TCF4: variants seen among roughly 807,000 people sequenced by gnomAD.
TCF4 encodes transcription factor 4, also known as SL3-3 enhancer factor 2.
TCF4 carries 3 observed loss-of-function variants against 82.1 expected under a neutral mutation model. That is an observed-to-expected ratio of 0.04 (90% CI 0.02 to 0.09). The LOEUF (loss-of-function observed/expected upper bound fraction) is 0.09. Among genes scored for constraint, TCF4 ranks in the 10% least tolerant of loss-of-function variants. The pLI, the probability that TCF4 is intolerant of heterozygous loss-of-function variation, is 1.00. For missense variants in TCF4, 518 were observed against 852.7 expected (o/e 0.61, Z 4.89); for synonymous variants, 276 against 309.6 (o/e 0.89, Z 1.14).
At chr18:55,580,734 G>C (rs888063694) in intron 3 of TCF4, among the ~76,000 whole-genome samples, 2 of 142,758 alleles carry the variant, frequency 1.4e-5, no homozygotes, top group African/African-American at 5.3e-5. Flanking sequence ...GCAAAAATGA[G>C]CTGTCTGATG....
At chr18:55,554,359 TTA>T (rs1018787016) in intron 3 of TCF4, among the ~76,000 whole-genome samples, 5 of 152,060 alleles carry the variant, frequency 3.3e-5, no homozygotes, top group Non-Finnish European at 7.4e-5. Context: ...CACTAGTTTA[TTA>T]TAGTTTATTA....
At chr18:55,345,534 T>C (rs2049969465) in intron 8 of TCF4, among the ~76,000 whole-genome samples, 1 of 152,186 alleles carries the variant, frequency 6.6e-6, no homozygotes, top group Admixed American at 6.6e-5. Context: ...AATTTTAATA[T>C]CCAAACCTCA....
chr18:55,259,069 ACCT>A (rs1457670001), intron 13 of TCF4, among the ~76,000 whole-genome samples: 2 of 152,106 alleles, frequency 1.3e-5, no homozygotes, highest in African/African-American at 4.8e-5. Context: ...GCAATGTGAA[ACCT>A]CCTGTCCTCG....
intron 3 of TCF4, among the ~76,000 whole-genome samples, chr18:55,478,631 G>T (rs183854774): frequency 8.5e-5 from 13 of 152,134 alleles, no homozygotes; most frequent in Admixed American, 2.6e-4. Flanking sequence ...AATGCAGAAT[G>T]AATTCAAAAC....
intron 6 of TCF4, 25 bp from the exon 7 acceptor site, chr18:55,351,028 A>G: frequency 6.2e-7 from 1 of 1,612,840 alleles, no homozygotes; most frequent in Non-Finnish European, 8.5e-7. Flanking sequence ...AGGGAAAACA[A>G]ACATATAAGG....
In TCF4 at chr18:55,350,406, C is replaced by T. The variant is rs758036485; in HGVS notation, c.502G>A (p.Val168Ile). 2 of 1,613,450 alleles carry T rather than the reference C, an allele frequency of 1.2e-6. No individual in the cohort carries two copies. Among genetic ancestry groups the T allele is most frequent in the South Asian group, 1.1e-5 (1 of 91,056 alleles). ...RRPLHSSAME[V>I]QTKKVRKVPP... ...ACTTTTCGAACTTTCTTTGTCTGTA[C>T]CTCTGAAAGAAAATGAAGATGCTTT... The change falls in exon 8 of 20, where the codon GTA becomes ATA. Residue 168 changes from valine (V) to isoleucine (I), a missense_variant and splice_region_variant. Coordinates refer to ENST00000354452, the MANE Select transcript of TCF4 (RefSeq NM_001083962.2).
At chr18:55,230,148 CAAAA>C (rs398041379) in intron 17 of TCF4, 13,232 of 103,358 alleles carry the variant, frequency 0.13, 445 homozygotes, top group South Asian at 0.16. Flanking sequence ...CTGTCTCTTA[CAAAA>C]AAAAAAAAAA....
rs571724513 is a variant in TCF4, at chr18:55,254,876, C to T, written c.1147-176G>A. 1.2e-3 allele frequency among the ~76,000 whole-genome samples: 182 copies of T among 152,160 alleles called. 1 individual carries two copies. The highest frequency in any genetic ancestry group is 4.0e-3 in the African/African-American group (168 of 41,498). ...TGTTGTTTCCAGAAAACTGGTAGAACGTGTTAATGTTAAAATTATAGTGTT... is the reference window on the plus strand; with the variant it reads ...TGTTGTTTCCAGAAAACTGGTAGAATGTGTTAATGTTAAAATTATAGTGTT... On this transcript the variant is annotated intron_variant, in intron 14 of 19. Transcript: ENST00000354452.
chr18:55,351,653 C>A (rs2082348796), intron 6 of TCF4: 1 of 193,546 alleles, frequency 5.2e-6, no homozygotes, highest in Non-Finnish European at 9.5e-6. Flanking sequence ...TAAGACACAT[C>A]CCACAGATTA....
At chr18:55,349,507 C>G (rs72926911) in intron 8 of TCF4, among the ~76,000 whole-genome samples, 5,436 of 151,754 alleles carry the variant, frequency 0.036, 183 homozygotes, top group South Asian at 0.16. Context: ...AATACTAGTA[C>G]TCTACAGAAT....
At chr18:55,340,012 T>C (rs1417448142) in intron 8 of TCF4, among the ~76,000 whole-genome samples, 1 of 152,162 alleles carries the variant, frequency 6.6e-6, no homozygotes, top group African/African-American at 2.4e-5. Flanking sequence ...AGTCCACACA[T>C]CTTCATCTTG....
chr18:55,346,356 A>G (rs2081180102), intron 8 of TCF4, among the ~76,000 whole-genome samples: 2 of 152,186 alleles, frequency 1.3e-5, no homozygotes, highest in Non-Finnish European at 2.9e-5. Context: ...GAATCTTTAT[A>G]GTAGTAGAAA....
At chr18:55,238,294 T>G (rs10221357) in intron 15 of TCF4, among the ~76,000 whole-genome samples, 37,954 of 152,210 alleles carry the variant, frequency 0.25, 4,853 homozygotes, top group East Asian at 0.32. Flanking sequence ...CATAGTCACG[T>G]ATAATGCAGT....
At chr18:55,321,962 C>A (rs1602592120) in intron 8 of TCF4, 3 of 1,322,218 alleles carry the variant, frequency 2.3e-6, no homozygotes, top group Non-Finnish European at 2.9e-6. Flanking sequence ...GGCAGCCCGG[C>A]CCTGATGGAG....
chr18:55,459,812 A>C (rs1400546472), intron 5 of TCF4, among the ~76,000 whole-genome samples: 1 of 152,204 alleles, frequency 6.6e-6, no homozygotes, highest in Non-Finnish European at 1.5e-5. Flanking sequence ...CTTTGAAGGC[A>C]AAAATAGCAC....
At chr18:55,622,150 T>TACACACACAC (rs10654991) in intron 2 of TCF4, among the ~76,000 whole-genome samples, 2 of 139,514 alleles carry the variant, frequency 1.4e-5, no homozygotes, top group African/African-American at 2.7e-5. Flanking sequence ...CCTTCAAGAT[T>TACACACACAC]ACACACACAC....
intron 2 of TCF4, among the ~76,000 whole-genome samples, chr18:55,604,281 C>G (rs996856163): frequency 6.6e-6 from 1 of 152,022 alleles, no homozygotes; most frequent in African/African-American, 2.4e-5. Context: ...CCCACCCCCA[C>G]CCCAGAATCC....
intron 6 of TCF4, chr18:55,351,832 AAC>A (rs2082384235): frequency 2.2e-6 from 2 of 920,744 alleles, no homozygotes; most frequent in African/African-American, 3.6e-5. Context: ...CTCTGCATTG[AAC>A]ACATTGTTCT....
At chr18:55,453,376 T>C (rs956161894) in intron 5 of TCF4, among the ~76,000 whole-genome samples, 5 of 152,214 alleles carry the variant, frequency 3.3e-5, no homozygotes, top group African/African-American at 1.2e-4. Flanking sequence ...TCTTAAGCCA[T>C]CATTAGTCAC....
Sources: gnomAD v4.1 joint callset for allele counts (sites outside exome capture counted in the v4.1 genomes callset) on GRCh38, gnomAD v4.1.1 for gene constraint, MANE v1.5 for transcripts, NCBI Gene and HGNC (gene_info 2026-07-23, HGNC 2026-07-21) for gene names.